CPOX: variants seen among roughly 807,000 people sequenced by gnomAD.
CPOX encodes the protein oxygen-dependent coproporphyrinogen-III oxidase, mitochondrial.
Under a neutral mutation model 48.9 loss-of-function variants are expected in CPOX, and 24 were observed. That is an observed-to-expected ratio of 0.49 (90% CI 0.36 to 0.69). The LOEUF (loss-of-function observed/expected upper bound fraction) is 0.69, where lower values mean the gene tolerates loss of function less well. Among genes scored for constraint, CPOX ranks in the 30% least tolerant of loss-of-function variants. The pLI, the probability that CPOX is intolerant of heterozygous loss-of-function variation, is 0.00. For missense variants in CPOX, 549 were observed against 597.3 expected (o/e 0.92, Z 0.84); for synonymous variants, 249 against 234.6 (o/e 1.06, Z -0.56).
At chr3:98,585,315 A>T in intron 5 of CPOX, 126 bp downstream of exon 5, 1 of 804,370 alleles carries the variant, frequency 1.2e-6, no homozygotes. Context: ...TTCACTTAAT[A>T]TTCATCTATG....
chr3:98,593,481 C>T lies in CPOX; in HGVS notation c.24G>A (p.Leu8=). Reference sequence around the variant, plus strand: ...CCACGAGCCAGCAGGGGCCCGAGCTCAGCCTGCCCAGCTGCAAGGCCATGT... The same window carrying T: ...CCACGAGCCAGCAGGGGCCCGAGCTTAGCCTGCCCAGCTGCAAGGCCATGT... The part of the protein sequence containing the change: MALQLGR[L]SSGPCWLVAR... Residue 8 remains leucine (L), a synonymous_variant, in exon 1 of 7, where the codon CTG becomes CTA. Transcript: ENST00000647941. 1 of 1,517,238 alleles carries T rather than the reference C, an allele frequency of 6.6e-7. No homozygotes were observed. The allele number at this position is 1,517,238 out of a possible 1,614,324, so 94.0% of individuals were successfully genotyped here. A position where few individuals can be genotyped will look rare whatever the true frequency, so the allele number is the denominator to read the frequency against.
intron 4 of CPOX, among the ~76,000 whole-genome samples, chr3:98,588,249 T>C (rs1707405193): frequency 6.6e-6 from 1 of 152,226 alleles, no homozygotes; most frequent in Non-Finnish European, 1.5e-5. Context: ...TCTTATTTTA[T>C]CATTAGAATT....
intron 3 of CPOX, 104 bp downstream of exon 3, chr3:98,590,528 T>G: frequency 1.2e-6 from 1 of 835,712 alleles, no homozygotes; most frequent in Non-Finnish European, 2.0e-6. Flanking sequence ...CTGAAAGACC[T>G]AATTAAGACT....
chr3:98,588,950 G>T, intron 3 of CPOX, 96 bp from the exon 4 acceptor site: 1 of 1,390,652 alleles, frequency 7.2e-7, no homozygotes, highest in Non-Finnish European at 1.0e-6. Context: ...AATTTTTTCA[G>T]CATAAAATGG....
At chr3:98,586,990 T>C (rs988089944) in intron 4 of CPOX, among the ~76,000 whole-genome samples, 14 of 152,126 alleles carry the variant, frequency 9.2e-5, no homozygotes, top group African/African-American at 3.4e-4. Context: ...AGAAGCCATT[T>C]CCTAACTGTT....
downstream of CPOX, among the ~76,000 whole-genome samples, chr3:98,574,598 T>C (rs1707132686): frequency 6.6e-6 from 1 of 152,268 alleles, no homozygotes; most frequent in Non-Finnish European, 1.5e-5. Flanking sequence ...TTGGTTTTTT[T>C]TGAGACAGAG....
intron 6 of CPOX, 73 bp from the exon 7 acceptor site, chr3:98,580,843 G>GA: frequency 6.9e-7 from 1 of 1,449,618 alleles, no homozygotes; most frequent in East Asian, 2.4e-5. Flanking sequence ...TAAAATAAAT[G>GA]AAAAATAAAA....
chr3:98,580,618 G>A lies in CPOX; in HGVS notation c.*65C>T, dbSNP rs191830435. 3.2e-5 allele frequency: 51 copies of A among 1,610,424 alleles called. No homozygotes were observed. The highest frequency in any genetic ancestry group is 2.7e-4 in the Admixed American group (16 of 59,684). Reference sequence around the variant, plus strand: ...AACTGCCACACAGTGGCAAAGTGCCGACCAGTGGCATGGGGAGCACACATC... The same window carrying A: ...AACTGCCACACAGTGGCAAAGTGCCAACCAGTGGCATGGGGAGCACACATC... On this transcript the variant is annotated 3_prime_UTR_variant, in exon 7 of 7. Transcript: ENST00000647941.
At chr3:98,587,723 G>A (rs1455243800) in intron 4 of CPOX, among the ~76,000 whole-genome samples, 1 of 151,584 alleles carries the variant, frequency 6.6e-6, no homozygotes, top group East Asian at 1.9e-4. Flanking sequence ...CATGAGTTTT[G>A]GAGGGAACAA....
intron 1 of CPOX, among the ~76,000 whole-genome samples, chr3:98,591,763 G>T (rs1171991488): frequency 6.6e-6 from 1 of 152,056 alleles, no homozygotes; most frequent in Non-Finnish European, 1.5e-5. Flanking sequence ...TGTTTGGCTT[G>T]TTTTATTTCT....
chr3:98,579,825 A>T lies in CPOX; in HGVS notation c.*858T>A. 1.0e-6 allele frequency: 1 copy of T among 985,404 alleles called. No homozygotes were observed. The highest frequency in any genetic ancestry group is 5.2e-4 in the Middle Eastern group (1 of 1,914). 61.0% of individuals were successfully genotyped at this position (985,404 alleles called of 1,614,324 possible). On this transcript the variant is annotated 3_prime_UTR_variant, in exon 7 of 7. Transcript: ENST00000647941. ...GCTTTAAAGAAGGAAATTATTTCTC[A>T]TTTCATTTTCCAAATGAGAAACATT...
At chr3:98,592,726 C>T (rs1707503476) in intron 1 of CPOX, among the ~76,000 whole-genome samples, 1 of 152,178 alleles carries the variant, frequency 6.6e-6, no homozygotes, top group Middle Eastern at 3.4e-3. Flanking sequence ...TTTTGAAATG[C>T]AGTACTACAG....
At chr3:98,577,463 G>C (rs1198310666), downstream of CPOX, among the ~76,000 whole-genome samples, 1 of 152,128 alleles carries the variant, frequency 6.6e-6, no homozygotes, top group African/African-American at 2.4e-5. Flanking sequence ...GGCAGAGGAA[G>C]GAAACCAGGA....
At chr3:98,575,387 T>C (rs541758321), downstream of CPOX, among the ~76,000 whole-genome samples, 33 of 152,348 alleles carry the variant, frequency 2.2e-4, no homozygotes, top group African/African-American at 7.9e-4. Context: ...TTATTGAAAA[T>C]ACTGTTTGAA....
chr3:98,585,662 G>A lies in CPOX; in HGVS notation c.954-3C>T. ...CTATAAAGAAGTAATCATCACACCT[G>A]GAAAACACAGCGGCGCCAAACCAGG... On this transcript the variant is annotated splice_region_variant and splice_polypyrimidine_tract_variant and intron_variant, in intron 4 of 6. Coordinates refer to ENST00000647941, the MANE Select transcript of CPOX (RefSeq NM_000097.7). The A allele has an allele frequency of 1.2e-6, 2 of 1,610,378 alleles. No individual in the cohort carries two copies. The highest frequency in any genetic ancestry group is 1.7e-6 in the Non-Finnish European group (2 of 1,176,784).
the CPOX span, among the ~76,000 whole-genome samples, chr3:98,574,405 T>A: frequency 1.3e-5 from 2 of 152,150 alleles, no homozygotes; most frequent in Non-Finnish European, 2.9e-5. Flanking sequence ...CACACATTAC[T>A]AAGATGAAGA....
the CPOX span, among the ~76,000 whole-genome samples, chr3:98,573,501 C>T: frequency 1.3e-5 from 2 of 151,800 alleles, no homozygotes; most frequent in Admixed American, 1.3e-4. Flanking sequence ...CTCGTTTCTC[C>T]TTCTTCCTCC....
the CPOX span, among the ~76,000 whole-genome samples, chr3:98,571,613 G>A: frequency 1.3e-5 from 2 of 149,200 alleles, no homozygotes; most frequent in Admixed American, 6.7e-5. Context: ...GCGTGAACCC[G>A]GGAGGCGGAG....
downstream of CPOX, among the ~76,000 whole-genome samples, chr3:98,575,279 G>A (rs1254721747): frequency 1.3e-5 from 2 of 152,210 alleles, no homozygotes; most frequent in Non-Finnish European, 2.9e-5. Context: ...CTAAGTGGCT[G>A]TATTTGCATC....
Sources: allele counts gnomAD v4.1 joint callset (sites outside exome capture counted in the v4.1 genomes callset), GRCh38; gene constraint gnomAD v4.1.1; transcripts MANE v1.5; gene names NCBI Gene and HGNC (gene_info 2026-07-23, HGNC 2026-07-21).